The following CPN1 variants were observed in gnomAD, a reference collection of about 807,000 sequenced individuals.
CPN1 encodes carboxypeptidase N subunit 1, also known as carboxypeptidase N catalytic chain.
CPN1 carries 37 observed loss-of-function variants against 46.4 expected under a neutral mutation model. The observed-to-expected ratio is 0.80, with a 90% CI of 0.61 to 1.05. The LOEUF (loss-of-function observed/expected upper bound fraction) is 1.05, where lower values mean the gene tolerates loss of function less well. CPN1 is among the 50% of genes least tolerant of loss of function. The probability of loss-of-function intolerance (pLI) is 0.00; values close to 1 mark genes in which losing one functional copy is unlikely to be tolerated. For synonymous variants in CPN1, 224 were observed against 235.4 expected, an observed-to-expected ratio of 0.95 and a Z score of 0.44; for missense variants, 563 against 602.6, an observed-to-expected ratio of 0.93 and a Z score of 0.69.
chr10:100,069,600 G>T (rs779917487), intron 3 of CPN1, 114 bp downstream of exon 3: 7 of 1,233,042 alleles, frequency 5.7e-6, no homozygotes, highest in Non-Finnish European at 7.2e-6. Context: ...ATACTGAGTT[G>T]AGTTGATGCT....
intron 1 of CPN1, among the ~76,000 whole-genome samples, chr10:100,079,145 T>C (rs61387226): frequency 0.026 from 3,976 of 152,340 alleles, 70 homozygotes; most frequent in East Asian, 0.07. Context: ...ATGCCATCCT[T>C]ATCTCTTTTT....
intron 8 of CPN1, among the ~76,000 whole-genome samples, chr10:100,043,557 A>G (rs914838769): frequency 6.6e-6 from 1 of 152,218 alleles, no homozygotes; most frequent in African/African-American, 2.4e-5. Flanking sequence ...CAGGCATGCC[A>G]GTAAGTGTCA....
At chr10:100,068,122 A>C (rs1253435481) in intron 3 of CPN1, among the ~76,000 whole-genome samples, 6 of 146,908 alleles carry the variant, frequency 4.1e-5, no homozygotes, top group Admixed American at 6.8e-5. Flanking sequence ...ACTGCACTCC[A>C]GCCTGGAGGG....
chr10:100,074,094 T>C (rs544077824), intron 2 of CPN1, among the ~76,000 whole-genome samples: 1 of 152,248 alleles, frequency 6.6e-6, no homozygotes, highest in Admixed American at 6.5e-5. Flanking sequence ...CTTAGTTCCA[T>C]CTGCAACCTT....
intron 5 of CPN1, among the ~76,000 whole-genome samples, chr10:100,060,951 G>A (rs2041413421): frequency 6.6e-6 from 1 of 152,106 alleles, no homozygotes; most frequent in Non-Finnish European, 1.5e-5. Flanking sequence ...ATAAGATCCT[G>A]TCATTTGCAA....
chr10:100,049,676 C>T (rs768289958), intron 7 of CPN1, among the ~76,000 whole-genome samples: 4 of 151,990 alleles, frequency 2.6e-5, no homozygotes, highest in Non-Finnish European at 5.9e-5. Flanking sequence ...CAAAGTGCTG[C>T]GATTACAGGC....
chr10:100,054,841 C>CTTTTTTTTTTTT, intron 6 of CPN1, among the ~76,000 whole-genome samples: 1 of 132,740 alleles, frequency 7.5e-6, no homozygotes, highest in South Asian at 2.4e-4. Flanking sequence ...TTCTTTCTTT[C>CTTTTTTTTTTTT]TTTTTTTTTT....
chr10:100,064,946 C>T (rs1034599686), intron 4 of CPN1, among the ~76,000 whole-genome samples: 7 of 152,110 alleles, frequency 4.6e-5, no homozygotes, highest in East Asian at 1.9e-4. Flanking sequence ...CATCATTAGC[C>T]TAAGTATTTT....
chr10:100,049,639 T>C (rs1053171603), intron 7 of CPN1, among the ~76,000 whole-genome samples: 1 of 152,136 alleles, frequency 6.6e-6, no homozygotes, highest in African/African-American at 2.4e-5. Context: ...ACTCCTGGGC[T>C]CAAGTGATCC....
intron 6 of CPN1, among the ~76,000 whole-genome samples, chr10:100,055,357 C>CA (rs995081152): frequency 1.3e-5 from 2 of 151,504 alleles, no homozygotes; most frequent in African/African-American, 4.9e-5. Flanking sequence ...TATCCCCCCC[C>CA]CCAGCCCCTG....
chr10:100,054,239 C>T, intron 7 of CPN1, 108 bp downstream of exon 7: 1 of 858,324 alleles, frequency 1.2e-6, no homozygotes, highest in Admixed American at 1.8e-5. Context: ...TCCCAGCATC[C>T]TTGACACCCC....
At position 100,063,627 on chromosome 10, in the gene CPN1, A is replaced by C. The variant is rs1381171413; in HGVS notation, c.858T>G (p.Tyr286Ter). 2 of 1,613,318 alleles carry C rather than the reference A, an allele frequency of 1.2e-6. No individual in the cohort carries two copies. Among genetic ancestry groups the C allele is most frequent in the East Asian group, 4.5e-5 (2 of 44,856 alleles). Residue 286 changes from tyrosine to a stop codon, truncating the protein, a stop_gained, in exon 5 of 9, where the codon TAT becomes TAG. Coordinates refer to ENST00000370418, the MANE Select transcript of CPN1 (RefSeq NM_001308.3). LOFTEE classifies it high-confidence loss of function. ...GACTCCCCTTACCCTTGCTGAGAGA[A>C]TACCAGGAAGCCCCATTGGTGATGC... Reference protein sequence around the residue: ...PDGITNGASWYSLSKGMQDFN... With the variant: ...PDGITNGASW
intron 8 of CPN1, among the ~76,000 whole-genome samples, chr10:100,045,466 A>T (rs1209392239): frequency 6.6e-6 from 1 of 152,200 alleles, no homozygotes; most frequent in Non-Finnish European, 1.5e-5. Context: ...AGGAGATGGG[A>T]CTAGGGGAGG....
chr10:100,044,132 C>T (rs991553354), intron 8 of CPN1, among the ~76,000 whole-genome samples: 11 of 152,220 alleles, frequency 7.2e-5, no homozygotes, highest in South Asian at 6.2e-4. Context: ...CTGCCCCTTC[C>T]GCAAAAATTG....
At chr10:100,052,891 G>C (rs1349669343) in intron 7 of CPN1, among the ~76,000 whole-genome samples, 1 of 151,976 alleles carries the variant, frequency 6.6e-6, no homozygotes, top group Admixed American at 6.6e-5. Context: ...CAGCTATTTG[G>C]GAGGCTGAGG....
At chr10:100,074,003 G>A (rs748601262) in intron 2 of CPN1, among the ~76,000 whole-genome samples, 12 of 151,576 alleles carry the variant, frequency 7.9e-5, no homozygotes, top group Non-Finnish European at 1.6e-4. Flanking sequence ...TACATTTAAA[G>A]GACCCTCGTA....
intron 2 of CPN1, among the ~76,000 whole-genome samples, chr10:100,072,053 T>C (rs2041488810): frequency 6.6e-6 from 1 of 152,250 alleles, no homozygotes; most frequent in Non-Finnish European, 1.5e-5. Context: ...TTAATAATGC[T>C]GCTTTGAACA....
intron 3 of CPN1, among the ~76,000 whole-genome samples, chr10:100,069,145 A>G (rs1410049417): frequency 6.6e-6 from 1 of 152,220 alleles, no homozygotes; most frequent in Non-Finnish European, 1.5e-5. Context: ...GAACCATGCA[A>G]CCAAATGATA....
intron 7 of CPN1, among the ~76,000 whole-genome samples, chr10:100,052,751 G>C (rs1006797340): frequency 2.6e-5 from 4 of 152,120 alleles, no homozygotes; most frequent in African/African-American, 9.7e-5. Context: ...ATGGTGGTAT[G>C]CACTTGTAGT....
Sources: allele counts gnomAD v4.1 joint callset (sites outside exome capture counted in the v4.1 genomes callset), GRCh38; gene constraint gnomAD v4.1.1; transcripts MANE v1.5; gene names NCBI Gene and HGNC (gene_info 2026-07-23, HGNC 2026-07-21).